CHODL: variants seen among roughly 807,000 people sequenced by gnomAD.
The protein encoded by CHODL is transmembrane protein MT75.
Under a neutral mutation model 34.5 loss-of-function variants are expected in CHODL, and 29 were observed. The observed-to-expected ratio is 0.84, with a 90% CI of 0.63 to 1.15. The LOEUF is 1.15. Ranked by LOEUF, CHODL falls within the 50% of genes most tolerant of loss-of-function variation. The pLI, the probability that CHODL is intolerant of heterozygous loss-of-function variation, is 0.00. For missense variants in CHODL, 332 were observed against 332.5 expected (o/e 1.00, Z 0.01); for synonymous variants, 125 against 116.1 (o/e 1.08, Z -0.49).
At chr21:18,174,122 T>TATATATATATATATATATCTTG (rs1568923067) in intron 2 of CHODL, among the ~76,000 whole-genome samples, 1 of 12,132 alleles carries the variant, frequency 8.2e-5, no homozygotes, top group African/African-American at 1.9e-4. Flanking sequence ...TATATCTTGG[T>TATATATATATATATATATCTTG]GTATATATAT....
chr21:18,183,220 A>T (rs1033837337), intron 2 of CHODL, among the ~76,000 whole-genome samples: 1 of 152,204 alleles, frequency 6.6e-6, no homozygotes, highest in Non-Finnish European at 1.5e-5. Flanking sequence ...ACTTGTTTAT[A>T]TTATATGCCT....
chr21:18,152,591 C>A (rs961220876), intron 2 of CHODL, among the ~76,000 whole-genome samples: 5 of 152,190 alleles, frequency 3.3e-5, no homozygotes, highest in African/African-American at 9.7e-5. Flanking sequence ...CTCTTAGAGG[C>A]CTTTTTCAGA....
chr21:18,096,676 T>C (rs2065143634), intron 2 of CHODL, among the ~76,000 whole-genome samples: 1 of 152,196 alleles, frequency 6.6e-6, no homozygotes. Context: ...AAGATGTTTA[T>C]CAGTGACAAT....
intron 1 of CHODL, among the ~76,000 whole-genome samples, chr21:18,006,830 G>T (rs966129446): frequency 6.6e-6 from 1 of 152,176 alleles, no homozygotes; most frequent in Non-Finnish European, 1.5e-5. Context: ...GGTCCACTCT[G>T]CCACCCTTTT....
intron 2 of CHODL, among the ~76,000 whole-genome samples, chr21:18,089,669 T>C (rs1177697889): frequency 6.6e-6 from 1 of 152,208 alleles, no homozygotes; most frequent in Non-Finnish European, 1.5e-5. Context: ...GCTTCAAGAC[T>C]ACAGATTGAG....
intron 2 of CHODL, among the ~76,000 whole-genome samples, chr21:18,087,957 C>A (rs1040890349): frequency 6.6e-6 from 1 of 152,090 alleles, no homozygotes; most frequent in African/African-American, 2.4e-5. Context: ...AGGAAGGAGG[C>A]ACGATCTTCA....
At chr21:18,037,086 A>T (rs75180200) in intron 2 of CHODL, among the ~76,000 whole-genome samples, 1 of 152,070 alleles carries the variant, frequency 6.6e-6, no homozygotes, top group South Asian at 2.1e-4. Context: ...ATTTCCATAT[A>T]TAACATATTT....
At chr21:18,017,229 G>A (rs2146420796) in intron 1 of CHODL, among the ~76,000 whole-genome samples, 1 of 152,324 alleles carries the variant, frequency 6.6e-6, no homozygotes, top group African/African-American at 2.4e-5. Flanking sequence ...GTTTGGCTCT[G>A]TGTCCCTACT....
chr21:18,256,846 G>A (rs1568960884), intron 2 of CHODL, 28 bp downstream of exon 2: 6 of 1,595,824 alleles, frequency 3.8e-6, no homozygotes, highest in Non-Finnish European at 5.1e-6. Flanking sequence ...GCAGTTGGCA[G>A]GTGCTCTGGG....
intron 2 of CHODL, among the ~76,000 whole-genome samples, chr21:18,116,143 TC>T (rs1384052144): frequency 2.0e-5 from 3 of 152,166 alleles, no homozygotes; most frequent in African/African-American, 7.2e-5. Context: ...ATACAAAACT[TC>T]CTTGAATGAT....
intron 2 of CHODL, among the ~76,000 whole-genome samples, chr21:18,174,436 A>T (rs895621269): frequency 1.3e-5 from 2 of 152,044 alleles, no homozygotes; most frequent in Non-Finnish European, 2.9e-5. Context: ...TGACATCAAT[A>T]ATTCTAAAAT....
Position 18,245,110 on chromosome 21 carries a change from G to A in CHODL, c.-114G>A. 3.3e-6 allele frequency: 3 copies of A among 900,474 alleles called. No individual in the cohort carries two copies. The highest frequency in any genetic ancestry group is 4.7e-6 in the Non-Finnish European group (3 of 642,744). 55.8% of individuals were successfully genotyped at this position (900,474 alleles called of 1,614,324 possible). On this transcript the variant is annotated 5_prime_UTR_variant, in exon 1 of 6. Coordinates refer to ENST00000299295, the MANE Select transcript of CHODL (RefSeq NM_024944.3). Reference sequence around the variant, plus strand: ...GGTCGGGCAGCTGGGCTCGGGCGGCGGGAGTAGGGCCCGGCAGGGAGGCAG... The same window carrying A: ...GGTCGGGCAGCTGGGCTCGGGCGGCAGGAGTAGGGCCCGGCAGGGAGGCAG...
intron 4 of CHODL, among the ~76,000 whole-genome samples, chr21:18,262,484 C>T (rs965291981): frequency 7.2e-5 from 11 of 152,162 alleles, no homozygotes; most frequent in Middle Eastern, 3.4e-3. Context: ...ATATCAAAAC[C>T]TATCTAAACA....
At chr21:17,999,282 G>C (rs142808097) in intron 1 of CHODL, among the ~76,000 whole-genome samples, 1 of 152,080 alleles carries the variant, frequency 6.6e-6, no homozygotes, top group Non-Finnish European at 1.5e-5. Context: ...ATCACTTTCC[G>C]CATTTTTGTC....
intron 1 of CHODL, among the ~76,000 whole-genome samples, chr21:18,249,021 CATA>C (rs1250147888): frequency 5.8e-5 from 6 of 104,280 alleles, no homozygotes; most frequent in Non-Finnish European, 1.0e-4. Flanking sequence ...ATATATTATA[CATA>C]ATATTAATAT....
intron 1 of CHODL, among the ~76,000 whole-genome samples, chr21:18,015,518 A>G (rs2064064229): frequency 6.6e-6 from 1 of 152,098 alleles, no homozygotes; most frequent in Admixed American, 6.6e-5. Flanking sequence ...TTGGTACCAG[A>G]GAAGTGGGGC....
rs139490076 is a variant in CHODL at position 18,228,202 on chromosome 21, A to G, written c.-44-28307A>G. ...CTTACTCATTGCTGCCAATGGTTTA[A>G]TTTTTTAAGCTACTGGGGTCACACA... On this transcript the variant is annotated intron_variant, in intron 2 of 6. Transcript: ENST00000400127. 2.6e-4 allele frequency among the ~76,000 whole-genome samples: 40 copies of G among 152,246 alleles called. No homozygotes were observed. The East Asian group carries it at 7.3e-3, about 28-fold the overall frequency.
chr21:18,146,692 A>G (rs1004147575), intron 2 of CHODL, among the ~76,000 whole-genome samples: 5 of 152,220 alleles, frequency 3.3e-5, no homozygotes, highest in Non-Finnish European at 7.3e-5. Flanking sequence ...GTGAAAACAA[A>G]CTAATACAGT....
intron 1 of CHODL, among the ~76,000 whole-genome samples, chr21:17,977,334 T>A (rs955371680): frequency 6.6e-6 from 1 of 151,806 alleles, no homozygotes; most frequent in African/African-American, 2.4e-5. Context: ...TGCTTTGGGA[T>A]TACATGTTAA....
Sources: allele counts gnomAD v4.1 joint callset (sites outside exome capture counted in the v4.1 genomes callset), GRCh38; gene constraint gnomAD v4.1.1; transcripts MANE v1.5; gene names NCBI Gene and HGNC (gene_info 2026-07-23, HGNC 2026-07-21).